The following SYN3 variants were observed in gnomAD, a reference collection of about 807,000 sequenced individuals.
SYN3 encodes synapsin-3.
SYN3 carries 35 observed loss-of-function variants against 65.8 expected under a neutral mutation model. That is an observed-to-expected ratio of 0.53 (90% CI 0.41 to 0.70). The LOEUF is 0.70. Ranked by LOEUF, SYN3 falls within the 30% of genes least tolerant of loss-of-function variation. The pLI is 0.00. For missense variants in SYN3, 680 were observed against 749.0 expected (o/e 0.91, Z 1.08); for synonymous variants, 270 against 292.9 (o/e 0.92, Z 0.80).
At chr22:32,527,603 GAAAA>G in intron 12 of SYN3, 7 of 174,234 alleles carry the variant, frequency 4.0e-5, no homozygotes, top group Non-Finnish European at 8.1e-5. Flanking sequence ...TGTCTCAAAA[GAAAA>G]AAAAAAAAAA....
At chr22:32,841,125 G>A (rs8136803) in intron 6 of SYN3, among the ~76,000 whole-genome samples, 9 of 152,152 alleles carry the variant, frequency 5.9e-5, no homozygotes, top group Admixed American at 1.3e-4. Flanking sequence ...GAAATCACAC[G>A]TAGCTTCCCA....
chr22:32,516,624 C>T (rs980034128), intron 13 of SYN3, among the ~76,000 whole-genome samples: 5 of 152,184 alleles, frequency 3.3e-5, no homozygotes, highest in Non-Finnish European at 7.3e-5. Context: ...CCTTGGCCTC[C>T]CAAAGTGTTG....
rs189629651 is a variant in SYN3 at position 33,014,895 on chromosome 22, G to A, written c.-162-8071C>T. ...AAGGTGCTTGAGTGCCGCCGCCGGG[G>A]AGTTTTGTTCCGTTTCCGGGATCCT... is the stretch of plus-strand genomic sequence containing the variant. On this transcript the variant is annotated intron_variant, in intron 1 of 13. Coordinates refer to ENST00000358763, the MANE Select transcript of SYN3 (RefSeq NM_003490.4). 650 of 166,994 alleles carry A rather than the reference G, an allele frequency of 3.9e-3. 1 individual carries two copies. The highest frequency in any genetic ancestry group is 5.2e-3 in the Non-Finnish European group (359 of 68,820). The allele number at this position is 166,994 out of a possible 1,614,324, so 10.3% of individuals were successfully genotyped here.
chr22:32,735,527 G>T (rs1333442956), intron 6 of SYN3, among the ~76,000 whole-genome samples: 3 of 120,374 alleles, frequency 2.5e-5, no homozygotes, highest in East Asian at 2.4e-4. Context: ...TTTGTTTTTT[G>T]TTTGTTTGTT....
chr22:32,864,374 G>A (rs1161282107), intron 6 of SYN3, among the ~76,000 whole-genome samples: 1 of 152,080 alleles, frequency 6.6e-6, no homozygotes, highest in African/African-American at 2.4e-5. Flanking sequence ...CTTCCACCCA[G>A]GTATCCTCCA....
rs1181726633 is a variant in SYN3 at position 32,556,794 on chromosome 22, AGGTTTCCTG to A, written c.775-15090_775-15082del. Among the ~76,000 whole-genome samples, 44 of 37,246 alleles carry A rather than the reference AGGTTTCCTG, an allele frequency of 1.2e-3. 8 individuals carry two copies. Among genetic ancestry groups the A allele is most frequent in the African/African-American group, 6.3e-3 (40 of 6,310 alleles). The allele number at this position is 37,246 out of a possible 152,430, so 24.4% of individuals were successfully genotyped here. A position where few individuals can be genotyped will look rare whatever the true frequency, so the allele number is the denominator to read the frequency against. Reference sequence around the variant, plus strand: ...CCAATGACCCAATGACCCAATCTATAGGTTTCCTGGTTTTTTTTTTTTTTTTTTTTTTTT... The same window carrying A: ...CCAATGACCCAATGACCCAATCTATAGTTTTTTTTTTTTTTTTTTTTTTTT... On this transcript the variant is annotated intron_variant, in intron 7 of 13. Transcript: ENST00000358763.
At chr22:32,975,050 T>A (rs1331304961) in intron 3 of SYN3, among the ~76,000 whole-genome samples, 2 of 152,108 alleles carry the variant, frequency 1.3e-5, no homozygotes, top group South Asian at 2.1e-4. Context: ...AAATGTTAGG[T>A]CTTTTTCGTT....
intron 6 of SYN3, among the ~76,000 whole-genome samples, chr22:32,764,985 C>A (rs1350372206): frequency 6.6e-6 from 1 of 152,058 alleles, no homozygotes; most frequent in African/African-American, 2.4e-5. Context: ...TCCCCACCCC[C>A]ACCCTCTTGT....
At chr22:32,671,579 GCA>G (rs1184707760) in intron 6 of SYN3, among the ~76,000 whole-genome samples, 42,264 of 142,426 alleles carry the variant, frequency 0.3, 6,939 homozygotes, top group Middle Eastern at 0.44. Flanking sequence ...TCAAACAAGT[GCA>G]CACACACACG....
At chr22:32,902,551 G>C (rs1165869301) in intron 4 of SYN3, among the ~76,000 whole-genome samples, 1 of 152,190 alleles carries the variant, frequency 6.6e-6, no homozygotes, top group Non-Finnish European at 1.5e-5. Flanking sequence ...TTTCAGATGG[G>C]AAAATTGAGG....
At chr22:32,518,799 C>T (rs930724394) in intron 12 of SYN3, among the ~76,000 whole-genome samples, 2 of 152,164 alleles carry the variant, frequency 1.3e-5, no homozygotes, top group Non-Finnish European at 2.9e-5. Context: ...GGCTGCGTTA[C>T]GGACTGAATT....
rs528762634 is a variant in SYN3 at position 32,512,118 on chromosome 22, C to T, written c.*1574G>A. ...GGTCTCTGGCCCTGACGTCACCACT[C>T]CAGTTTGGTTTTGAAGGACCAAAAA... On this transcript the variant is annotated 3_prime_UTR_variant, in exon 14 of 14. Transcript: ENST00000358763. Among the ~76,000 whole-genome samples the T allele has an allele frequency of 2.0e-5, 3 of 152,210 alleles. No homozygotes were observed. Among genetic ancestry groups the T allele is most frequent in the African/African-American group, 7.2e-5 (3 of 41,462 alleles).
At chr22:32,879,469 G>A (rs1052608012) in intron 4 of SYN3, among the ~76,000 whole-genome samples, 3 of 152,174 alleles carry the variant, frequency 2.0e-5, no homozygotes, top group Admixed American at 6.5e-5. Context: ...GGAGGTGGGG[G>A]ACCTGCTTTC....
intron 1 of SYN3, among the ~76,000 whole-genome samples, chr22:33,041,791 C>T (rs2053969006): frequency 6.6e-6 from 1 of 152,082 alleles, no homozygotes; most frequent in African/African-American, 2.4e-5. Flanking sequence ...TTAATGAGCT[C>T]CAAGCATCTT....
At chr22:33,026,734 G>A (rs1467910547) in intron 1 of SYN3, among the ~76,000 whole-genome samples, 1 of 152,130 alleles carries the variant, frequency 6.6e-6, no homozygotes, top group Non-Finnish European at 1.5e-5. Context: ...TGGCTGCCAT[G>A]CCCATCGACC....
intron 3 of SYN3, among the ~76,000 whole-genome samples, chr22:32,943,452 A>C (rs1285809044): frequency 2.6e-5 from 4 of 152,240 alleles, no homozygotes; most frequent in Non-Finnish European, 5.9e-5. Context: ...GGAAGCACTA[A>C]ACATGGAAAG....
Position 32,510,394 on chromosome 22 carries a change from T to TG in SYN3, c.*3297dup, listed in dbSNP as rs1321158692. Among the ~76,000 whole-genome samples the TG allele has an allele frequency of 6.6e-6, 1 of 152,228 alleles. No individual in the cohort carries two copies. The highest frequency in any genetic ancestry group is 1.5e-5 in the Non-Finnish European group (1 of 68,040). On this transcript the variant is annotated 3_prime_UTR_variant, in exon 14 of 14. Transcript: ENST00000358763. ...CCGTGGCCCACAGGTTGAGAAACTT[T>TG]GTCCAGCCTATTACCATTCAGTTGT...
intron 6 of SYN3, among the ~76,000 whole-genome samples, chr22:32,845,760 G>A (rs528762105): frequency 6.6e-6 from 1 of 152,296 alleles, no homozygotes; most frequent in Non-Finnish European, 1.5e-5. Flanking sequence ...AAGGTGGAAG[G>A]AATGGCTAGA....
At chr22:32,615,681 G>A (rs981401326) in intron 6 of SYN3, among the ~76,000 whole-genome samples, 2 of 152,164 alleles carry the variant, frequency 1.3e-5, no homozygotes, top group Non-Finnish European at 2.9e-5. Flanking sequence ...GGCTGGCCAT[G>A]AAGCAGTTTT....
Sources: allele counts gnomAD v4.1 joint callset (sites outside exome capture counted in the v4.1 genomes callset), GRCh38; gene constraint gnomAD v4.1.1; transcripts MANE v1.5; gene names NCBI Gene and HGNC (gene_info 2026-07-23, HGNC 2026-07-21).